The following USP47 variants were observed in gnomAD, a reference collection of about 807,000 sequenced individuals.
The protein encoded by USP47 is ubiquitin carboxyl-terminal hydrolase 47.
A neutral mutation model predicts 165.1 loss-of-function variants in USP47; 35 were observed. The ratio of observed to expected loss-of-function variants is 0.21; its 90% CI spans 0.16 to 0.28. The LOEUF (loss-of-function observed/expected upper bound fraction) is 0.28, where lower values mean the gene tolerates loss of function less well. Among genes scored for constraint, USP47 ranks in the 10% least tolerant of loss-of-function variants. USP47 has a pLI of 1.00. For missense variants in USP47, 1,277 were observed against 1,607.4 expected (o/e 0.79, Z 3.52); for synonymous variants, 531 against 544.5 (o/e 0.98, Z 0.35).
At chr11:11,925,195 C>T (rs534355068) in intron 11 of USP47, among the ~76,000 whole-genome samples, 2 of 150,878 alleles carry the variant, frequency 1.3e-5, no homozygotes, top group South Asian at 2.1e-4. Flanking sequence ...GCAAGTTCCA[C>T]CTCCCAAGTT....
At chr11:11,918,795 C>T (rs1853613256) in intron 8 of USP47, among the ~76,000 whole-genome samples, 1 of 151,908 alleles carries the variant, frequency 6.6e-6, no homozygotes, top group Non-Finnish European at 1.5e-5. Flanking sequence ...CTCCCTCTCC[C>T]CCCATCCTTT....
chr11:11,909,046 G>A (rs1852776764), intron 8 of USP47, among the ~76,000 whole-genome samples: 1 of 152,050 alleles, frequency 6.6e-6, no homozygotes, highest in African/African-American at 2.4e-5. Flanking sequence ...TTCTCTGTGG[G>A]ACATCTGTTA....
intron 12 of USP47, 73 bp downstream of exon 12, chr11:11,929,638 T>A (rs1854505946): frequency 1.3e-6 from 2 of 1,555,818 alleles, no homozygotes; most frequent in Non-Finnish European, 8.7e-7. Context: ...CAGTAAAGTT[T>A]ATTAAGAATG....
intron 8 of USP47, among the ~76,000 whole-genome samples, chr11:11,915,740 T>A (rs1257825576): frequency 6.6e-6 from 1 of 152,132 alleles, no homozygotes. Context: ...AAAGTAGTAA[T>A]GTTAAAGTAT....
rs1371183644 is a variant in USP47 at position 11,948,047 on chromosome 11, T to G, written c.3194T>G (p.Val1065Gly). ...TCCTCTCACTTCAAGGTCTTTCGAG[T>G]GTATGCCAGCAATCAAGAGTTTGAG... ...VLSSHFKVFR[V>G]YASNQEFESV... Residue 1065 changes from valine to glycine, a missense_variant, in exon 21 of 28, where the codon GTG becomes GGG. Coordinates refer to ENST00000527733, the MANE Select transcript of USP47 (RefSeq NM_001282659.2). The G allele has an allele frequency of 6.2e-7, 1 of 1,613,708 alleles. No individual in the cohort carries two copies. Among genetic ancestry groups the G allele is most frequent in the Non-Finnish European group, 8.5e-7 (1 of 1,179,900 alleles).
At position 11,956,146 on chromosome 11, in the gene USP47, G is replaced by A. The variant is rs1856547137; in HGVS notation, c.4039G>A (p.Ala1347Thr). The change falls in exon 28 of 28, where the codon GCA becomes ACA. Residue 1347 changes from alanine to threonine, a missense_variant. Coordinates refer to ENST00000527733, the MANE Select transcript of USP47 (RefSeq NM_001282659.2). ...AGCACTAAAAATATATCTGGATGGAGCACCAAATAAAGATCTGACTCAAGA... is the reference window on the plus strand; with the variant it reads ...AGCACTAAAAATATATCTGGATGGAACACCAAATAAAGATCTGACTCAAGA... ...EKALKIYLDG[A>T]PNKDLTQD is the part of the protein sequence containing the mutation. 2 of 1,614,036 alleles carry A rather than the reference G, an allele frequency of 1.2e-6. No homozygotes were observed. The highest frequency in any genetic ancestry group is 2.2e-5 in the East Asian group (1 of 44,856).
intron 8 of USP47, among the ~76,000 whole-genome samples, chr11:11,910,851 G>T (rs146378231): frequency 1.3e-5 from 2 of 152,170 alleles, no homozygotes; most frequent in East Asian, 3.9e-4. Context: ...AAATGTCCAG[G>T]TTTCAATTAA....
intron 16 of USP47, among the ~76,000 whole-genome samples, chr11:11,934,437 A>T (rs139396173): frequency 6.6e-6 from 1 of 152,280 alleles, no homozygotes; most frequent in African/African-American, 2.4e-5. Context: ...ATTTATTTTG[A>T]AACTTTAACC....
intron 1 of USP47, among the ~76,000 whole-genome samples, chr11:11,862,236 A>G (rs1029402922): frequency 1.3e-5 from 2 of 152,226 alleles, no homozygotes; most frequent in African/African-American, 4.8e-5. Context: ...TTCCAAAAGC[A>G]TCAGCTATAA....
intron 1 of USP47, among the ~76,000 whole-genome samples, chr11:11,857,956 T>C (rs998030083): frequency 6.7e-6 from 1 of 149,518 alleles, no homozygotes; most frequent in Non-Finnish European, 1.5e-5. Context: ...GATGTTTGCA[T>C]AGGAGAGTGA....
intron 1 of USP47, among the ~76,000 whole-genome samples, chr11:11,862,722 A>T (rs1039469035): frequency 2.7e-5 from 4 of 150,406 alleles, no homozygotes; most frequent in African/African-American, 9.8e-5. Flanking sequence ...TACAAGCATA[A>T]TTTTTTTTTT....
chr11:11,867,396 C>G (rs1236733215), intron 1 of USP47, among the ~76,000 whole-genome samples: 1 of 152,092 alleles, frequency 6.6e-6, no homozygotes, highest in Non-Finnish European at 1.5e-5. Flanking sequence ...TCTCTTAATG[C>G]TCTAATGTTT....
intron 4 of USP47, among the ~76,000 whole-genome samples, chr11:11,893,313 G>A (rs960961166): frequency 2.0e-5 from 3 of 152,150 alleles, no homozygotes; most frequent in African/African-American, 4.8e-5. Context: ...GGTGTTTCAT[G>A]CTAAGTATGG....
intron 14 of USP47, among the ~76,000 whole-genome samples, 187 bp from the exon 15 acceptor site, chr11:11,932,817 C>T (rs1268124197): frequency 6.6e-6 from 1 of 152,122 alleles, no homozygotes; most frequent in African/African-American, 2.4e-5. Context: ...CCATGTGTCC[C>T]TGTTAACTGT....
At chr11:11,947,900 T>G in intron 20 of USP47, 45 bp from the exon 21 acceptor site, 1 of 1,556,186 alleles carries the variant, frequency 6.4e-7, no homozygotes, top group Non-Finnish European at 8.6e-7. Context: ...CTCAGAGGTT[T>G]CTTTTACATT....
chr11:11,904,988 T>A (rs1352013900), intron 7 of USP47, among the ~76,000 whole-genome samples: 3 of 152,046 alleles, frequency 2.0e-5, no homozygotes, highest in Non-Finnish European at 4.4e-5. Flanking sequence ...ATTGTTTAGC[T>A]GTATAATTAT....
chr11:11,888,517 C>T (rs1211968060), intron 3 of USP47, among the ~76,000 whole-genome samples: 1 of 151,998 alleles, frequency 6.6e-6, no homozygotes, highest in Non-Finnish European at 1.5e-5. Context: ...AATTGAGTCT[C>T]TAAATAGACC....
At chr11:11,847,428 A>C (rs1251886770) in intron 1 of USP47, among the ~76,000 whole-genome samples, 1 of 152,126 alleles carries the variant, frequency 6.6e-6, no homozygotes, top group Non-Finnish European at 1.5e-5. Context: ...TTCTAGATTC[A>C]GATTTCCACT....
At position 11,869,788 on chromosome 11, in the gene USP47, C is replaced by T. The variant is rs955762104; in HGVS notation, c.40-10389C>T. Among the ~76,000 whole-genome samples, 8 of 152,168 alleles carry T rather than the reference C, an allele frequency of 5.3e-5. No homozygotes were observed. In the East Asian group the frequency reaches 9.6e-4, roughly 18 times the overall value. ...GTATTTAGATCATGAGCGCTCTGCC[C>T]TCATGAATGGACAGGAGTGGGTTCA... On this transcript the variant is annotated intron_variant, in intron 1 of 27. Coordinates refer to ENST00000527733, the MANE Select transcript of USP47 (RefSeq NM_001282659.2).
Sources: allele counts gnomAD v4.1 joint callset (sites outside exome capture counted in the v4.1 genomes callset), GRCh38; gene constraint gnomAD v4.1.1; transcripts MANE v1.5; gene names NCBI Gene and HGNC (gene_info 2026-07-23, HGNC 2026-07-21).